The following TUBB2A variants were observed in gnomAD, a reference collection of about 807,000 sequenced individuals.
TUBB2A encodes the protein tubulin beta-2A chain.
Under a neutral mutation model 33.9 loss-of-function variants are expected in TUBB2A, and 7 were observed. That is an observed-to-expected ratio of 0.21 (90% confidence interval 0.12 to 0.39). TUBB2A has a LOEUF of 0.39. Ranked by LOEUF, TUBB2A falls within the 10% of genes least tolerant of loss-of-function variation. The probability of loss-of-function intolerance (pLI) is 1.00; values close to 1 mark genes in which losing one functional copy is unlikely to be tolerated. For synonymous variants in TUBB2A, 187 were observed against 247.6 expected, an observed-to-expected ratio of 0.76 and a Z score of 2.30; for missense variants, 80 against 593.4, an observed-to-expected ratio of 0.13 and a Z score of 8.99.
chr6:3,153,871 C>A lies in TUBB2A; in HGVS notation c.1330G>T (p.Glu444Ter). Residue 444 changes from glutamate to a stop codon, truncating the protein, a stop_gained, in exon 4 of 4, where the codon GAG becomes TAG. Coordinates refer to ENST00000333628, the MANE Select transcript of TUBB2A (RefSeq NM_001069.3). LOFTEE classifies it high-confidence loss of function. ...GEFEEEEGED[E>*]A is the part of the protein sequence containing the mutation. ...ATTGATCTGAGAAGTTTTTAAGCCT[C>A]GTCCTCGCCCTCCTCCTCCTCGAAC... 1 of 1,614,116 alleles carries A rather than the reference C, an allele frequency of 6.2e-7. No individual in the cohort carries two copies. The highest frequency in any genetic ancestry group is 8.5e-7 in the Non-Finnish European group (1 of 1,179,988).
At position 3,155,029 on chromosome 6, in the gene TUBB2A, C is replaced by A; in HGVS notation, c.278-106G>T. The A allele has an allele frequency of 6.5e-7, 1 of 1,550,114 alleles. No individual in the cohort carries two copies. The highest frequency in any genetic ancestry group is 1.2e-5 in the South Asian group (1 of 85,554). On this transcript the variant is annotated intron_variant, in intron 3 of 3. Coordinates refer to ENST00000333628, the MANE Select transcript of TUBB2A (RefSeq NM_001069.3). The surrounding 1 kb of genome is among the most constrained non-coding windows in gnomAD (Gnocchi z 4.2). The stretch of plus-strand genomic sequence containing the variant: ...AGGACTGGTCTTAGACTGGCAGATT[C>A]TTCTCTTTTGAATACTCTTCTTTTA...
At chr6:3,157,351 G>A (rs1211000692) in intron 1 of TUBB2A, 56 bp downstream of exon 1, 3 of 1,410,980 alleles carry the variant, frequency 2.1e-6, no homozygotes, top group South Asian at 1.4e-5. Context: ...CCCCGCCCCG[G>A]CCCCAGCCCG....
chr6:3,153,820 C>T lies in TUBB2A; in HGVS notation c.*43G>A. On this transcript the variant is annotated 3_prime_UTR_variant, in exon 4 of 4. Transcript: ENST00000333628. ...CAAGTAGAAAGACCATGCTTGAGGA[C>T]AACAGAAGTTCACTAAGGATGCACG... The T allele has an allele frequency of 6.2e-7, 1 of 1,611,078 alleles. No homozygotes were observed. The highest frequency in any genetic ancestry group is 8.5e-7 in the Non-Finnish European group (1 of 1,177,602).
At chr6:3,156,358 A>C (rs1223084512) in intron 1 of TUBB2A, among the ~76,000 whole-genome samples, 1 of 152,306 alleles carries the variant, frequency 6.6e-6, no homozygotes, top group Non-Finnish European at 1.5e-5. Context: ...CGGCCATATT[A>C]TGGGGATAGA....
intron 1 of TUBB2A, among the ~76,000 whole-genome samples, chr6:3,157,065 G>A (rs965290151): frequency 6.6e-5 from 10 of 152,236 alleles, no homozygotes; most frequent in African/African-American, 2.4e-4. Context: ...TCAAACCGTA[G>A]AGAAAAATAT....
Position 3,155,222 on chromosome 6 carries a change from C to T in TUBB2A, c.278-299G>A, listed in dbSNP as rs1462055556. On this transcript the variant is annotated intron_variant, in intron 3 of 3. Transcript: ENST00000333628. This position sits in a 1 kb window ranked among gnomAD's most constrained non-coding sequence, Gnocchi z 4.2. Reference sequence around the variant, plus strand: ...ATTTTTAAGAGGCATTCTCTTTATACTCAACTACAATTAAACAGGCAAGGT... The same window carrying T: ...ATTTTTAAGAGGCATTCTCTTTATATTCAACTACAATTAAACAGGCAAGGT... 6.6e-6 allele frequency among the ~76,000 whole-genome samples: 1 copy of T among 152,230 alleles called. No individual in the cohort carries two copies. The highest frequency in any genetic ancestry group is 1.5e-5 in the Non-Finnish European group (1 of 68,048).
chr6:3,156,158 A>G lies in TUBB2A; in HGVS notation c.58-6T>C. The G allele has an allele frequency of 6.2e-7, 1 of 1,613,798 alleles. No homozygotes were observed. Among genetic ancestry groups the G allele is most frequent in the Non-Finnish European group, 8.5e-7 (1 of 1,179,698 alleles). ...TCGCTGATGACCTCCCAAAACTGAAATGAAAAAAGAACCACACCATGGCTC... is the reference window on the plus strand; with the variant it reads ...TCGCTGATGACCTCCCAAAACTGAAGTGAAAAAAGAACCACACCATGGCTC... On this transcript the variant is annotated splice_polypyrimidine_tract_variant and splice_region_variant and intron_variant, in intron 1 of 3. Coordinates refer to ENST00000333628, the MANE Select transcript of TUBB2A (RefSeq NM_001069.3).
intron 1 of TUBB2A, among the ~76,000 whole-genome samples, chr6:3,156,833 G>C (rs1161333746): frequency 2.0e-5 from 3 of 151,978 alleles, no homozygotes; most frequent in Non-Finnish European, 4.4e-5. Context: ...CCCCACCCAT[G>C]CACCAGACCC....
At chr6:3,156,267 G>A (rs1762631702) in intron 1 of TUBB2A, 115 bp from the exon 2 acceptor site, 1 of 1,343,960 alleles carries the variant, frequency 7.4e-7, no homozygotes, top group Non-Finnish European at 1.0e-6. Context: ...CAGTTAGTAA[G>A]TGCTAGACAG....
chr6:3,153,726 G>C lies in TUBB2A; in HGVS notation c.*137C>G. The stretch of plus-strand genomic sequence containing the variant: ...TTCACAGACAATACTGTAATTTTTA[G>C]AGGAGTTCCACATCATTACATCAAC... On this transcript the variant is annotated 3_prime_UTR_variant, in exon 4 of 4. Transcript: ENST00000333628. 7.5e-7 allele frequency: 1 copy of C among 1,335,146 alleles called. No homozygotes were observed. 82.7% of individuals were successfully genotyped at this position (1,335,146 alleles called of 1,614,324 possible). A position where few individuals can be genotyped will look rare whatever the true frequency, so the allele number is the denominator to read the frequency against.
chr6:3,155,133 T>A lies in TUBB2A; in HGVS notation c.278-210A>T. Reference sequence around the variant, plus strand: ...TAAAGTAAGAAGTAAGTTTAGCTCATCTGAGGCTATTGATTGAGGAAGAGG... The same window carrying A: ...TAAAGTAAGAAGTAAGTTTAGCTCAACTGAGGCTATTGATTGAGGAAGAGG... On this transcript the variant is annotated intron_variant, in intron 3 of 3. Coordinates refer to ENST00000333628, the MANE Select transcript of TUBB2A (RefSeq NM_001069.3). This position sits in a 1 kb window ranked among gnomAD's most constrained non-coding sequence, Gnocchi z 4.2. 1 of 1,334,762 alleles carries A rather than the reference T, an allele frequency of 7.5e-7. No homozygotes were observed. Among genetic ancestry groups the A allele is most frequent in the South Asian group, 1.5e-5 (1 of 64,564 alleles). 82.7% of individuals were successfully genotyped at this position (1,334,762 alleles called of 1,614,324 possible). A position where few individuals can be genotyped will look rare whatever the true frequency, so the allele number is the denominator to read the frequency against.
Position 3,157,509 on chromosome 6 carries a change from C to T in TUBB2A, c.-46G>A, listed in dbSNP as rs1189218822. On this transcript the variant is annotated 5_prime_UTR_variant, in exon 1 of 4. Coordinates refer to ENST00000333628, the MANE Select transcript of TUBB2A (RefSeq NM_001069.3). ...TGGCGCTGGCCCTCGGAGCGGTGCG[C>T]GGCGTGGACCGGCGGGCTGGGCTGC... 4 of 1,451,220 alleles carry T rather than the reference C, an allele frequency of 2.8e-6. No homozygotes were observed. The highest frequency in any genetic ancestry group is 2.7e-6 in the Non-Finnish European group (3 of 1,105,838). The allele number at this position is 1,451,220 out of a possible 1,614,324, so 89.9% of individuals were successfully genotyped here.
At position 3,155,719 on chromosome 6, in the gene TUBB2A, A is replaced by C. The variant is rs1762621368; in HGVS notation, c.183T>G (p.Pro61=). The stretch of plus-strand genomic sequence containing the variant: ...GCTCCAGATCCACCAGGATGGCCCG[A>C]GGTACATATTTGTTACCTGCAGGAA... ...YNEAAGNKYV[P]RAILVDLEPG... The change falls in exon 3 of 4, where the codon CCT becomes CCG. Residue 61 remains proline (P), a synonymous_variant. Coordinates refer to ENST00000333628, the MANE Select transcript of TUBB2A (RefSeq NM_001069.3). The surrounding 1 kb of genome is among the most constrained non-coding windows in gnomAD (Gnocchi z 4.2). The C allele has an allele frequency of 6.2e-7, 1 of 1,613,976 alleles. No individual in the cohort carries two copies. Among genetic ancestry groups the C allele is most frequent in the Non-Finnish European group, 8.5e-7 (1 of 1,179,954 alleles).
At position 3,155,103 on chromosome 6, in the gene TUBB2A, C is replaced by A. The variant is rs527641880; in HGVS notation, c.278-180G>T. 776 of 1,444,910 alleles carry A rather than the reference C, an allele frequency of 5.4e-4. No homozygotes were observed. The highest frequency in any genetic ancestry group is 6.9e-4 in the Non-Finnish European group (748 of 1,089,856). 89.5% of individuals were successfully genotyped at this position (1,444,910 alleles called of 1,614,324 possible). A position where few individuals can be genotyped will look rare whatever the true frequency, so the allele number is the denominator to read the frequency against. On this transcript the variant is annotated intron_variant, in intron 3 of 3. Transcript: ENST00000333628. This position sits in a 1 kb window ranked among gnomAD's most constrained non-coding sequence, Gnocchi z 4.2. ...CAGTGACCTCAAAAACACTGGGGAT[C>A]ATAATAAAGTAAGAAGTAAGTTTAG...
Position 3,155,547 on chromosome 6 carries a change from A to G in TUBB2A, c.277+78T>C. Reference sequence around the variant, plus strand: ...ACACAGTGTCACCTTGGCACTGAACACTAAGAACTGTGCTTTGCAGGGCTG... The same window carrying G: ...ACACAGTGTCACCTTGGCACTGAACGCTAAGAACTGTGCTTTGCAGGGCTG... On this transcript the variant is annotated intron_variant, in intron 3 of 3. Transcript: ENST00000333628. This position sits in a 1 kb window ranked among gnomAD's most constrained non-coding sequence, Gnocchi z 4.2. The G allele has an allele frequency of 8.6e-7, 1 of 1,168,166 alleles. No homozygotes were observed. The highest frequency in any genetic ancestry group is 2.0e-5 in the Admixed American group (1 of 49,776). 72.4% of individuals were successfully genotyped at this position (1,168,166 alleles called of 1,614,324 possible). A position where few individuals can be genotyped will look rare whatever the true frequency, so the allele number is the denominator to read the frequency against.
chr6:3,153,736 A>AC lies in TUBB2A; in HGVS notation c.*126dup, dbSNP rs540952596. ...ATACTGTAATTTTTAGAGGAGTTCCACATCATTACATCAACAGTGTGAATT... is the reference window on the plus strand; with the variant it reads ...ATACTGTAATTTTTAGAGGAGTTCCACCATCATTACATCAACAGTGTGAATT... On this transcript the variant is annotated 3_prime_UTR_variant, in exon 4 of 4. Coordinates refer to ENST00000333628, the MANE Select transcript of TUBB2A (RefSeq NM_001069.3). 4.6e-4 allele frequency: 650 copies of AC among 1,402,692 alleles called. 5 individuals are homozygous for AC. In the African/African-American group the frequency reaches 8.6e-3, roughly 19 times the overall value. The allele number at this position is 1,402,692 out of a possible 1,614,324, so 86.9% of individuals were successfully genotyped here. A position where few individuals can be genotyped will look rare whatever the true frequency, so the allele number is the denominator to read the frequency against.
In TUBB2A at chr6:3,154,544, G is replaced by A; in HGVS notation, c.657C>T (p.Thr219=). 6.2e-7 allele frequency: 1 copy of A among 1,613,158 alleles called. No individual in the cohort carries two copies. The highest frequency in any genetic ancestry group is 8.5e-7 in the Non-Finnish European group (1 of 1,179,784). Residue 219 remains threonine (T), a synonymous_variant, in exon 4 of 4, where the codon ACC becomes ACT. Transcript: ENST00000333628. ...DICFRTLKLT[T]PTYGDLNHLV... ...GGTGGTTGAGGTCCCCGTAGGTGGGGGTGGTCAGCTTCAGGGTGCGGAAGC... is the reference window on the plus strand; with the variant it reads ...GGTGGTTGAGGTCCCCGTAGGTGGGAGTGGTCAGCTTCAGGGTGCGGAAGC...
Position 3,157,470 on chromosome 6 carries a change from G to A in TUBB2A, c.-7C>T, listed in dbSNP as rs745998800. ...TGTGCACGATCTCGCGCATGGTGCC[G>A]GCTGCGGAGCGGGTGGCGCTGGCCC... On this transcript the variant is annotated 5_prime_UTR_variant, in exon 1 of 4. Coordinates refer to ENST00000333628, the MANE Select transcript of TUBB2A (RefSeq NM_001069.3). 8 of 1,528,662 alleles carry A rather than the reference G, an allele frequency of 5.2e-6. No individual in the cohort carries two copies. In the South Asian group the frequency reaches 7.2e-5, roughly 14 times the overall value. The allele number at this position is 1,528,662 out of a possible 1,614,324, so 94.7% of individuals were successfully genotyped here.
In TUBB2A at chr6:3,155,835, T is replaced by C. The variant is rs1455087043; in HGVS notation, c.167-100A>G. ...GACAAAAGGAGAACAGGAGATTTTC[T>C]GCTTTTAAGAAAAAGGAGGTCCTGA... On this transcript the variant is annotated intron_variant, in intron 2 of 3. Transcript: ENST00000333628. This position sits in a 1 kb window ranked among gnomAD's most constrained non-coding sequence, Gnocchi z 4.2. 4.4e-6 allele frequency: 6 copies of C among 1,349,724 alleles called. No individual in the cohort carries two copies. Among genetic ancestry groups the C allele is most frequent in the East Asian group, 2.4e-5 (1 of 41,926 alleles). The allele number at this position is 1,349,724 out of a possible 1,614,324, so 83.6% of individuals were successfully genotyped here.
Sources: gnomAD v4.1 joint callset for allele counts (sites outside exome capture counted in the v4.1 genomes callset) on GRCh38, gnomAD v4.1.1 for gene constraint, Gnocchi (gnomAD v3.1) non-coding constraint, MANE v1.5 for transcripts, NCBI Gene and HGNC (gene_info 2026-07-23, HGNC 2026-07-21) for gene names.